The following CNTN4 variants were observed in gnomAD, a reference collection of about 807,000 sequenced individuals.
CNTN4 encodes the protein contactin 4.
A neutral mutation model predicts 122.5 loss-of-function variants in CNTN4; 77 were observed. The ratio of observed to expected loss-of-function variants is 0.63; its 90% CI spans 0.52 to 0.76. The LOEUF is 0.76. Ranked by LOEUF, CNTN4 falls within the 30% of genes least tolerant of loss-of-function variation. The pLI is 0.00. For missense variants in CNTN4, 1,256 were observed against 1,259.1 expected, an observed-to-expected ratio of 1.00 and a Z score of 0.04; for synonymous variants, 512 against 447.0, an observed-to-expected ratio of 1.15 and a Z score of -1.83.
intron 3 of CNTN4, among the ~76,000 whole-genome samples, chr3:2,382,675 T>G (rs914958941): frequency 1.3e-5 from 2 of 152,206 alleles, no homozygotes; most frequent in African/African-American, 2.4e-5. Context: ...TGCTTCCAGA[T>G]TAGACAATAT....
chr3:2,645,453 C>T (rs1446979245), intron 4 of CNTN4, among the ~76,000 whole-genome samples: 1 of 152,064 alleles, frequency 6.6e-6, no homozygotes, highest in African/African-American at 2.4e-5. Flanking sequence ...ACAATTTATT[C>T]TTTTTTCATG....
chr3:2,617,102 T>C (rs1290164758), intron 4 of CNTN4, among the ~76,000 whole-genome samples: 2 of 152,098 alleles, frequency 1.3e-5, no homozygotes, highest in Non-Finnish European at 2.9e-5. Context: ...ATGACGTCAA[T>C]GCCAAAAGCA....
chr3:2,561,071 C>G (rs548560629), intron 3 of CNTN4, among the ~76,000 whole-genome samples: 4 of 152,154 alleles, frequency 2.6e-5, no homozygotes, highest in Non-Finnish European at 5.9e-5. Flanking sequence ...GCTTACTTCC[C>G]CACTAAGTGT....
chr3:2,446,362 T>C (rs534477997), intron 3 of CNTN4, among the ~76,000 whole-genome samples: 1 of 151,402 alleles, frequency 6.6e-6, no homozygotes, highest in East Asian at 1.9e-4. Context: ...CATGCAAAGA[T>C]AAACAAATGT....
chr3:2,901,341 C>T (rs1233792204), intron 11 of CNTN4, among the ~76,000 whole-genome samples: 1 of 152,148 alleles, frequency 6.6e-6, no homozygotes, highest in Non-Finnish European at 1.5e-5. Context: ...CCTCAGGCTC[C>T]AAATTGAGAG....
chr3:2,262,766 A>T (rs2149761310), intron 2 of CNTN4, among the ~76,000 whole-genome samples: 1 of 152,220 alleles, frequency 6.6e-6, no homozygotes, highest in East Asian at 1.9e-4. Flanking sequence ...AAGAAACAGA[A>T]AATTCATAAG....
intron 2 of CNTN4, among the ~76,000 whole-genome samples, chr3:2,234,670 C>A (rs1387653811): frequency 6.6e-6 from 1 of 152,086 alleles, no homozygotes; most frequent in Non-Finnish European, 1.5e-5. Flanking sequence ...TGTTGATTGC[C>A]TTTGTCATAA....
At chr3:3,042,461 C>A in intron 21 of CNTN4, 39 bp downstream of exon 21, 1 of 1,312,742 alleles carries the variant, frequency 7.6e-7, no homozygotes, top group Non-Finnish European at 1.1e-6. Context: ...GAAAGAGAGT[C>A]TATGCCCCTT....
At chr3:3,014,011 T>G (rs1697487688) in intron 14 of CNTN4, among the ~76,000 whole-genome samples, 1 of 150,578 alleles carries the variant, frequency 6.6e-6, no homozygotes, top group Non-Finnish European at 1.5e-5. Context: ...TCCTGTAAAC[T>G]TTAACAAATT....
intron 13 of CNTN4, among the ~76,000 whole-genome samples, chr3:2,986,216 C>G (rs1209084968): frequency 6.6e-6 from 1 of 152,020 alleles, no homozygotes; most frequent in Admixed American, 6.6e-5. Flanking sequence ...CACCCAGCCT[C>G]GCAAACACAA....
intron 14 of CNTN4, among the ~76,000 whole-genome samples, chr3:3,012,616 A>AT (rs1220037422): frequency 1.3e-5 from 2 of 151,862 alleles, no homozygotes; most frequent in Non-Finnish European, 2.9e-5. Context: ...CACCCAGCTA[A>AT]TTTTTTGTAT....
rs1310968682 is a variant in CNTN4 at position 2,751,477 on chromosome 3, C to CCTTCATTCACT, written c.358+5783_358+5793dup. The stretch of plus-strand genomic sequence containing the variant: ...TTTGAGCTTAAGCATACCTCCCCAA[C>CCTTCATTCACT]CTTCATTCACTCTACACTCCCTTTC... On this transcript the variant is annotated intron_variant, in intron 6 of 24. Transcript: ENST00000418658. Among the ~76,000 whole-genome samples the CCTTCATTCACT allele has an allele frequency of 9.2e-5, 14 of 152,284 alleles. No homozygotes were observed. The East Asian group carries it at 2.7e-3, about 29-fold the overall frequency.
intron 1 of CNTN4, chr3:2,099,812 C>T (rs2031751710): frequency 6.6e-6 from 1 of 152,412 alleles, no homozygotes; most frequent in Non-Finnish European, 1.5e-5. Flanking sequence ...CCCACAGACC[C>T]CAATCCACTC....
intron 2 of CNTN4, among the ~76,000 whole-genome samples, chr3:2,113,190 C>T (rs2033094195): frequency 6.6e-6 from 1 of 152,074 alleles, no homozygotes; most frequent in Admixed American, 6.6e-5. Flanking sequence ...AGGGCTGTTT[C>T]CCTTATATCT....
intron 4 of CNTN4, among the ~76,000 whole-genome samples, chr3:2,573,305 G>A (rs1266177563): frequency 6.6e-6 from 1 of 152,058 alleles, no homozygotes; most frequent in Non-Finnish European, 1.5e-5. Context: ...CCTTAGTTGA[G>A]TTCACGTCTT....
At chr3:3,031,061 A>C in intron 16 of CNTN4, 86 bp downstream of exon 16, 1 of 1,563,414 alleles carries the variant, frequency 6.4e-7, no homozygotes, top group South Asian at 1.1e-5. Context: ...TCAGTGGTTT[A>C]GAATTATGGG....
intron 4 of CNTN4, among the ~76,000 whole-genome samples, chr3:2,705,307 G>C (rs1350085060): frequency 6.9e-6 from 1 of 144,484 alleles, no homozygotes; most frequent in African/African-American, 2.6e-5. Flanking sequence ...GGCAGAGCTT[G>C]CAGTGAGCCG....
chr3:2,910,318 A>G (rs1406689259), intron 12 of CNTN4, among the ~76,000 whole-genome samples: 1 of 152,214 alleles, frequency 6.6e-6, no homozygotes, highest in Non-Finnish European at 1.5e-5. Context: ...GGCATCACTG[A>G]GCATTAATAC....
intron 3 of CNTN4, among the ~76,000 whole-genome samples, chr3:2,415,077 G>C (rs1369660338): frequency 6.6e-6 from 1 of 152,136 alleles, no homozygotes; most frequent in Non-Finnish European, 1.5e-5. Flanking sequence ...ACTCATTTAA[G>C]AGCATCACTA....
Sources: gnomAD v4.1 joint callset for allele counts (sites outside exome capture counted in the v4.1 genomes callset) on GRCh38, gnomAD v4.1.1 for gene constraint, MANE v1.5 for transcripts, NCBI Gene and HGNC (gene_info 2026-07-23, HGNC 2026-07-21) for gene names.